Variants in AMMECR1 observed in about 807,000 individuals in gnomAD.
The protein encoded by AMMECR1 is AMMECR nuclear protein 1, also known as nuclear protein AMMECR1.
Under a neutral mutation model 22.5 loss-of-function variants are expected in AMMECR1, and 3 were observed. That is an observed-to-expected ratio of 0.13 (90% CI 0.06 to 0.35). AMMECR1 has a LOEUF of 0.35. AMMECR1 is among the 10% of genes least tolerant of loss of function. The pLI, the probability that AMMECR1 is intolerant of heterozygous loss-of-function variation, is 1.00. For synonymous variants in AMMECR1, 130 were observed against 116.7 expected, an observed-to-expected ratio of 1.11 and a Z score of -0.74; for missense variants, 235 against 278.7, an observed-to-expected ratio of 0.84 and a Z score of 1.12.
chrX:110,211,987 T>G (rs2148167944), intron 3 of AMMECR1, among the ~76,000 whole-genome samples: 1 of 112,259 alleles, frequency 8.9e-6, no homozygotes, highest in South Asian at 3.7e-4. Flanking sequence ...CATTATTGAT[T>G]AGTCTGTCAA....
At chrX:110,398,587 AG>A (rs2068543379) in intron 2 of AMMECR1, among the ~76,000 whole-genome samples, 1 of 112,109 alleles carries the variant, frequency 8.9e-6, no homozygotes, top group African/African-American at 3.2e-5. Context: ...CAGAGAGGTT[AG>A]TGACTTGCCC....
At chrX:110,435,662 T>C (rs2068833690) in intron 1 of AMMECR1, among the ~76,000 whole-genome samples, 2 of 111,975 alleles carry the variant, frequency 1.8e-5, no homozygotes, top group African/African-American at 6.5e-5. Context: ...TTATCTAGAA[T>C]GGCCTTGGTC....
At chrX:110,297,377 C>G (rs540096898) in intron 1 of AMMECR1, among the ~76,000 whole-genome samples, 2 of 111,366 alleles carry the variant, frequency 1.8e-5, no homozygotes, top group African/African-American at 3.3e-5. Flanking sequence ...AGACAAGCCT[C>G]GTGAATGGGG....
At chrX:110,340,047 G>A (rs2068158411) in intron 2 of AMMECR1, among the ~76,000 whole-genome samples, 1 of 105,611 alleles carries the variant, frequency 9.5e-6, no homozygotes, top group Non-Finnish European at 1.9e-5. Context: ...CATAGGCTCA[G>A]ATGTGAGCCT....
chrX:110,416,384 G>T (rs1041492473), intron 2 of AMMECR1, among the ~76,000 whole-genome samples: 1 of 112,260 alleles, frequency 8.9e-6, no homozygotes, highest in African/African-American at 3.2e-5. Context: ...CATGGTAACT[G>T]CTTTAAAAAT....
chrX:110,272,211 A>G (rs1378744768), intron 1 of AMMECR1, among the ~76,000 whole-genome samples: 2 of 110,580 alleles, frequency 1.8e-5, no homozygotes, highest in East Asian at 2.8e-4. Flanking sequence ...GCAAGACTCC[A>G]TCTCAAAAAA....
At chrX:110,242,077 T>C (rs2067636268) in intron 2 of AMMECR1, among the ~76,000 whole-genome samples, 1 of 111,406 alleles carries the variant, frequency 9.0e-6, no homozygotes. Context: ...AAAGAGAGCC[T>C]AGCTACTCTA....
intron 2 of AMMECR1, among the ~76,000 whole-genome samples, chrX:110,325,850 G>A (rs1475089740): frequency 1.8e-5 from 2 of 111,502 alleles, no homozygotes; most frequent in Non-Finnish European, 3.8e-5. Context: ...TTCTGAAATG[G>A]CAGGTTAGGT....
chrX:110,313,714 T>C (rs1352189403), intron 1 of AMMECR1, among the ~76,000 whole-genome samples: 2 of 111,361 alleles, frequency 1.8e-5, no homozygotes, highest in Non-Finnish European at 3.8e-5. Context: ...CCTAAAATCA[T>C]ACCACAGGTT....
chrX:110,403,807 T>C (rs1368523492), intron 2 of AMMECR1, among the ~76,000 whole-genome samples: 1 of 112,675 alleles, frequency 8.9e-6, no homozygotes, highest in Non-Finnish European at 1.9e-5. Flanking sequence ...GAAATATCAA[T>C]GTACTTGATT....
chrX:110,200,808 T>A (rs1443081140), intron 5 of AMMECR1, 146 bp downstream of exon 5: 1 of 440,373 alleles, frequency 2.3e-6, no homozygotes, highest in Non-Finnish European at 4.0e-6. Context: ...TTCCATTGTA[T>A]CCACCCTCAG....
chrX:110,339,855 T>C (rs1301661689), intron 2 of AMMECR1, among the ~76,000 whole-genome samples: 3 of 111,337 alleles, frequency 2.7e-5, no homozygotes, highest in Admixed American at 9.7e-5. Context: ...TATATCCCTG[T>C]AAGTTACTGC....
intron 1 of AMMECR1, among the ~76,000 whole-genome samples, chrX:110,274,486 G>A (rs1471263854): frequency 9.0e-6 from 1 of 111,482 alleles, no homozygotes; most frequent in East Asian, 2.8e-4. Context: ...TTATCATTAT[G>A]ACATGGCCCT....
intron 2 of AMMECR1, among the ~76,000 whole-genome samples, chrX:110,373,411 G>A (rs1213333824): frequency 9.0e-6 from 1 of 111,660 alleles, no homozygotes; most frequent in South Asian, 3.8e-4. Flanking sequence ...CTCAGAGCAG[G>A]AACACAATGA....
chrX:110,343,223 C>G (rs1256480661), intron 2 of AMMECR1, among the ~76,000 whole-genome samples: 1 of 111,828 alleles, frequency 8.9e-6, no homozygotes, highest in Non-Finnish European at 1.9e-5. Flanking sequence ...AGCATATAAA[C>G]AGAACCAAAG....
chrX:110,269,525 AT>A (rs1448981414), intron 1 of AMMECR1, among the ~76,000 whole-genome samples: 2 of 99,193 alleles, frequency 2.0e-5, no homozygotes, highest in South Asian at 5.7e-4. Flanking sequence ...GGTTATTTAT[AT>A]TGGGGGGGGG....
chrX:110,374,778 C>A (rs755902151), intron 2 of AMMECR1, among the ~76,000 whole-genome samples: 10 of 109,931 alleles, frequency 9.1e-5, no homozygotes, highest in Non-Finnish European at 1.5e-4. Flanking sequence ...CATGAATAGA[C>A]CATAGGATAG....
At chrX:110,394,356 A>T (rs186585147) in intron 2 of AMMECR1, among the ~76,000 whole-genome samples, 1 of 111,046 alleles carries the variant, frequency 9.0e-6, no homozygotes, top group East Asian at 2.8e-4. Context: ...GATTCAGGTG[A>T]TCCTCCCACC....
At chrX:110,251,990 C>A (rs139450014) in intron 2 of AMMECR1, among the ~76,000 whole-genome samples, 1 of 111,879 alleles carries the variant, frequency 8.9e-6, no homozygotes, top group African/African-American at 3.3e-5. Context: ...CTTCCTGAAG[C>A]AGAAATATAA....
Sources: allele counts gnomAD v4.1 joint callset (sites outside exome capture counted in the v4.1 genomes callset), GRCh38; gene constraint gnomAD v4.1.1; transcripts MANE v1.5; gene names NCBI Gene and HGNC (gene_info 2026-07-23, HGNC 2026-07-21).